Variants in CNTNAP5 observed in about 807,000 individuals in gnomAD.
The protein encoded by CNTNAP5 is contactin-associated protein-like 5.
CNTNAP5 carries 72 observed loss-of-function variants against 150.2 expected under a neutral mutation model. The observed-to-expected ratio is 0.48, with a 90% confidence interval of 0.40 to 0.58. The LOEUF (loss-of-function observed/expected upper bound fraction) is 0.58, where lower values mean the gene tolerates loss of function less well. Among genes scored for constraint, CNTNAP5 ranks in the 20% least tolerant of loss-of-function variants. The pLI is 0.00. For synonymous variants in CNTNAP5, 672 were observed against 619.8 expected (o/e 1.08, Z -1.25); for missense variants, 1,636 against 1,626.2 (o/e 1.01, Z -0.10).
intron 10 of CNTNAP5, among the ~76,000 whole-genome samples, chr2:124,531,206 A>G (rs563522687): frequency 6.6e-6 from 1 of 152,146 alleles, no homozygotes; most frequent in East Asian, 1.9e-4. Context: ...ACAGTTCACA[A>G]TAGGGTTTAT....
At chr2:124,700,466 A>G (rs931601326) in intron 13 of CNTNAP5, among the ~76,000 whole-genome samples, 2 of 152,086 alleles carry the variant, frequency 1.3e-5, no homozygotes, top group Non-Finnish European at 2.9e-5. Flanking sequence ...ACCATTTTAC[A>G]TTTTTATTAG....
chr2:124,415,605 G>A (rs17674468), intron 3 of CNTNAP5, among the ~76,000 whole-genome samples: 19,361 of 152,200 alleles, frequency 0.13, 1,617 homozygotes, highest in Non-Finnish European at 0.19. Flanking sequence ...GACATTGATT[G>A]CACACCAGCA....
chr2:124,205,277 G>T (rs1034250767), intron 1 of CNTNAP5, among the ~76,000 whole-genome samples: 24 of 152,072 alleles, frequency 1.6e-4, no homozygotes, highest in Non-Finnish European at 3.4e-4. Flanking sequence ...ATAAACATCT[G>T]GCATTTCCCC....
intron 3 of CNTNAP5, among the ~76,000 whole-genome samples, chr2:124,276,303 T>A (rs1366570815): frequency 6.6e-6 from 1 of 152,158 alleles, no homozygotes; most frequent in African/African-American, 2.4e-5. Context: ...CAGGCACACT[T>A]CAAATATGAA....
chr2:124,544,815 T>C (rs1695475614), intron 10 of CNTNAP5, among the ~76,000 whole-genome samples: 1 of 152,140 alleles, frequency 6.6e-6, no homozygotes, highest in African/African-American at 2.4e-5. Flanking sequence ...AAGATTGGGT[T>C]TGGGCCTTCA....
chr2:124,407,887 G>A (rs1691616584), intron 3 of CNTNAP5, among the ~76,000 whole-genome samples: 1 of 152,166 alleles, frequency 6.6e-6, no homozygotes, highest in Admixed American at 6.5e-5. Flanking sequence ...GAGCCAAGAT[G>A]GCCGAATAGG....
At chr2:124,299,830 C>A (rs1688531560) in intron 3 of CNTNAP5, among the ~76,000 whole-genome samples, 1 of 152,148 alleles carries the variant, frequency 6.6e-6, no homozygotes, top group South Asian at 2.1e-4. Flanking sequence ...TAAAGCTTAG[C>A]CACCTGGAAT....
chr2:124,454,625 T>C (rs1158016908), intron 6 of CNTNAP5, among the ~76,000 whole-genome samples: 1 of 152,134 alleles, frequency 6.6e-6, no homozygotes. Flanking sequence ...TTCTCCAAGA[T>C]AGAGGATATG....
intron 3 of CNTNAP5, among the ~76,000 whole-genome samples, chr2:124,326,043 A>G (rs149411099): frequency 3.4e-4 from 51 of 152,212 alleles, no homozygotes; most frequent in African/African-American, 1.1e-3. Context: ...AGGATAAATG[A>G]AGATAACAAA....
Position 124,504,421 on chromosome 2 carries a change from A to T in CNTNAP5, c.1192A>T (p.Thr398Ser). 1.2e-5 allele frequency: 19 copies of T among 1,613,884 alleles called. No homozygotes were observed. The highest frequency in any genetic ancestry group is 1.6e-5 in the Non-Finnish European group (19 of 1,179,846). Residue 398 changes from threonine (T) to serine (S), a missense_variant, in exon 8 of 24, where the codon ACA becomes TCA. Physicochemically the swap from Thr to Ser is moderately conservative, Grantham distance 58. Coordinates refer to ENST00000682447, the MANE Select transcript of CNTNAP5 (RefSeq NM_001367498.1). ...GCTCTCAGTGAGTTTCCAGTTTCGA[A>T]CATGGAACAAGGATGGTCTGCTTCT... The part of the protein sequence containing the change: ...DGLSVSFQFR[T>S]WNKDGLLLST...
intron 16 of CNTNAP5, among the ~76,000 whole-genome samples, chr2:124,768,365 G>A (rs1173468370): frequency 6.8e-6 from 1 of 147,514 alleles, no homozygotes; most frequent in African/African-American, 2.5e-5. Context: ...AAGAAAGAGA[G>A]AAAGATTTAA....
At chr2:124,279,853 A>G (rs115732364) in intron 3 of CNTNAP5, among the ~76,000 whole-genome samples, 1,741 of 152,022 alleles carry the variant, frequency 0.011, 29 homozygotes, top group African/African-American at 0.038. Context: ...CCATACTCCA[A>G]TCTCCTTACC....
chr2:124,415,204 T>C (rs1290755828), intron 3 of CNTNAP5, among the ~76,000 whole-genome samples: 1 of 152,166 alleles, frequency 6.6e-6, no homozygotes, highest in Admixed American at 6.5e-5. Context: ...AGAGAAAATG[T>C]TCAAAGTTTG....
At chr2:124,710,217 A>G (rs1013627794) in intron 13 of CNTNAP5, among the ~76,000 whole-genome samples, 5 of 152,156 alleles carry the variant, frequency 3.3e-5, no homozygotes, top group African/African-American at 1.2e-4. Context: ...CTGACTTTCT[A>G]GAAAGCCCCA....
chr2:124,761,589 T>C (rs1162424778), intron 14 of CNTNAP5, among the ~76,000 whole-genome samples: 3 of 152,100 alleles, frequency 2.0e-5, no homozygotes, highest in Admixed American at 2.0e-4. Flanking sequence ...TATTTTATAC[T>C]TATCTCTCTT....
intron 13 of CNTNAP5, among the ~76,000 whole-genome samples, chr2:124,660,070 GGAAGGAA>G (rs1336031944): frequency 4.0e-5 from 6 of 151,014 alleles, no homozygotes; most frequent in African/African-American, 1.5e-4. Flanking sequence ...AAGGAAGGAA[GGAAGGAA>G]GGAAGGGAGG....
chr2:124,732,390 G>A (rs1680290160), intron 13 of CNTNAP5, among the ~76,000 whole-genome samples: 1 of 152,100 alleles, frequency 6.6e-6, no homozygotes, highest in Non-Finnish European at 1.5e-5. Flanking sequence ...AATCACCAGT[G>A]TGATGGCATA....
intron 12 of CNTNAP5, among the ~76,000 whole-genome samples, chr2:124,631,341 T>C (rs147209269): frequency 9.7e-4 from 147 of 152,148 alleles, no homozygotes; most frequent in African/African-American, 3.3e-3. Context: ...AAGGCTGTAG[T>C]AAACAAAGCA....
At chr2:124,209,195 T>C (rs1338791986) in intron 1 of CNTNAP5, among the ~76,000 whole-genome samples, 1 of 152,156 alleles carries the variant, frequency 6.6e-6, no homozygotes, top group Non-Finnish European at 1.5e-5. Flanking sequence ...TCCAAATTAC[T>C]AGATATATCC....
Sources: gnomAD v4.1 joint callset for allele counts (sites outside exome capture counted in the v4.1 genomes callset) on GRCh38, gnomAD v4.1.1 for gene constraint, MANE v1.5 for transcripts, NCBI Gene and HGNC (gene_info 2026-07-23, HGNC 2026-07-21) for gene names.